RAPGEF4: variants seen among roughly 807,000 people sequenced by gnomAD.
RAPGEF4 encodes Rap guanine nucleotide exchange factor 4.
RAPGEF4 carries 66 observed loss-of-function variants against 147.9 expected under a neutral mutation model. The ratio of observed to expected loss-of-function variants is 0.45; its 90% CI spans 0.37 to 0.55. The LOEUF (loss-of-function observed/expected upper bound fraction) is 0.55. Among genes scored for constraint, RAPGEF4 ranks in the 20% least tolerant of loss-of-function variants. The pLI is 0.00. For synonymous variants in RAPGEF4, 419 were observed against 442.7 expected (o/e 0.95, Z 0.67); for missense variants, 1,071 against 1,257.3 (o/e 0.85, Z 2.24).
chr2:172,920,410 G>A (rs962799770), intron 5 of RAPGEF4, among the ~76,000 whole-genome samples: 19 of 152,220 alleles, frequency 1.2e-4, no homozygotes, highest in East Asian at 7.7e-4. Flanking sequence ...GTTCCCAACC[G>A]AATGTCTTTA....
chr2:172,988,395 C>T, intron 13 of RAPGEF4, 123 bp downstream of exon 13: 1 of 1,428,884 alleles, frequency 7.0e-7, no homozygotes, highest in Non-Finnish European at 9.2e-7. Context: ...GTAGAAAAGA[C>T]ATTATTGTAT....
chr2:172,841,977 T>A (rs1691662382), intron 4 of RAPGEF4, among the ~76,000 whole-genome samples: 1 of 152,236 alleles, frequency 6.6e-6, no homozygotes, highest in Non-Finnish European at 1.5e-5. Flanking sequence ...TTATATTTTC[T>A]TTTCTAGTAA....
intron 4 of RAPGEF4, 129 bp downstream of exon 4, chr2:172,814,554 C>A: frequency 8.3e-7 from 1 of 1,202,870 alleles, no homozygotes; most frequent in Non-Finnish European, 1.2e-6. Flanking sequence ...ATTTAATTTT[C>A]AAAACTTGTT....
chr2:173,008,926 G>T (rs1005265286), intron 17 of RAPGEF4, among the ~76,000 whole-genome samples: 4 of 152,198 alleles, frequency 2.6e-5, no homozygotes, highest in Non-Finnish European at 5.9e-5. Flanking sequence ...CCTGATGTTG[G>T]CAGGGTAGAA....
intron 4 of RAPGEF4, among the ~76,000 whole-genome samples, chr2:172,847,241 C>A (rs149610959): frequency 6.6e-6 from 1 of 152,270 alleles, no homozygotes; most frequent in East Asian, 1.9e-4. Context: ...TCACTGCTTC[C>A]TGGAACACAA....
At chr2:173,007,097 A>C (rs1553547251) in intron 17 of RAPGEF4, among the ~76,000 whole-genome samples, 2 of 152,196 alleles carry the variant, frequency 1.3e-5, no homozygotes, top group Non-Finnish European at 2.9e-5. Context: ...TTTTCACAAT[A>C]GGGAAAGTGA....
chr2:172,757,196 G>T (rs955745451), intron 1 of RAPGEF4, among the ~76,000 whole-genome samples: 25 of 152,230 alleles, frequency 1.6e-4, no homozygotes, highest in African/African-American at 5.3e-4. Flanking sequence ...CAGCATCATA[G>T]AGAAGTTAAT....
intron 16 of RAPGEF4, among the ~76,000 whole-genome samples, chr2:172,999,838 G>A (rs1693722724): frequency 6.6e-6 from 1 of 152,160 alleles, no homozygotes; most frequent in African/African-American, 2.4e-5. Flanking sequence ...CAGAGAAGGT[G>A]CCAGACAGAA....
intron 29 of RAPGEF4, 176 bp downstream of exon 29, chr2:173,036,868 T>G (rs1156993132): frequency 2.0e-6 from 1 of 504,838 alleles, no homozygotes; most frequent in South Asian, 3.6e-5. Context: ...TCAGTTCTCT[T>G]TTGTGAAATT....
At chr2:172,920,484 T>G (rs934455174) in intron 5 of RAPGEF4, among the ~76,000 whole-genome samples, 1 of 152,182 alleles carries the variant, frequency 6.6e-6, no homozygotes, top group Non-Finnish European at 1.5e-5. Context: ...TGTTATGTCT[T>G]AAACGTCTTT....
chr2:172,936,710 C>T (rs1337315876), intron 6 of RAPGEF4, among the ~76,000 whole-genome samples: 3 of 151,776 alleles, frequency 2.0e-5, no homozygotes, highest in South Asian at 2.1e-4. Flanking sequence ...GCTCTTCCTT[C>T]GTTCCTGATG....
chr2:173,005,747 T>G (rs1366445481), intron 17 of RAPGEF4, among the ~76,000 whole-genome samples: 1 of 152,156 alleles, frequency 6.6e-6, no homozygotes, highest in African/African-American at 2.4e-5. Flanking sequence ...GGCCTCGACC[T>G]CTTGACCTCG....
intron 3 of RAPGEF4, among the ~76,000 whole-genome samples, chr2:172,797,973 G>A (rs557980657): frequency 6.6e-6 from 1 of 152,248 alleles, no homozygotes; most frequent in East Asian, 1.9e-4. Context: ...TTTCCTCTTG[G>A]ATCCTTTCTC....
intron 10 of RAPGEF4, among the ~76,000 whole-genome samples, chr2:172,982,614 A>G (rs1691804805): frequency 6.6e-6 from 1 of 152,192 alleles, no homozygotes. Context: ...AGTGATTAGG[A>G]ATCTATTCAG....
chr2:173,016,574 G>A (rs1489008114), intron 19 of RAPGEF4, 137 bp downstream of exon 19: 2 of 675,786 alleles, frequency 3.0e-6, no homozygotes, highest in Non-Finnish European at 5.2e-6. Context: ...TGGGCTGAGG[G>A]CATAGGTGGT....
chr2:172,991,894 T>C (rs1038100026), intron 15 of RAPGEF4, among the ~76,000 whole-genome samples: 4 of 152,228 alleles, frequency 2.6e-5, no homozygotes, highest in African/African-American at 9.6e-5. Flanking sequence ...GGAAAAAAGA[T>C]AATATTATTA....
At chr2:172,996,901 C>T (rs1693423806) in intron 16 of RAPGEF4, among the ~76,000 whole-genome samples, 1 of 152,184 alleles carries the variant, frequency 6.6e-6, no homozygotes, top group African/African-American at 2.4e-5. Context: ...TTTGAAGCTG[C>T]CTACATAAAA....
Position 173,039,245 on chromosome 2 carries a change from C to T in RAPGEF4, c.2853+2553C>T, listed in dbSNP as rs561452734. ...GGCCGAGGCGGGTGGATCACGAGGT[C>T]AGGAGATCGAGACCATCCTGACGAA... On this transcript the variant is annotated intron_variant, in intron 29 of 30. Coordinates refer to ENST00000397081, the MANE Select transcript of RAPGEF4 (RefSeq NM_007023.4). Among the ~76,000 whole-genome samples the T allele has an allele frequency of 1.9e-4, 29 of 151,058 alleles. No homozygotes were observed. The South Asian group carries it at 2.9e-3, about 15-fold the overall frequency.
intron 8 of RAPGEF4, among the ~76,000 whole-genome samples, chr2:172,964,247 T>C (rs1156359470): frequency 1.3e-5 from 2 of 152,066 alleles, no homozygotes; most frequent in East Asian, 3.9e-4. Context: ...GGAAATATAA[T>C]GGCCTTCTCA....
Sources: allele counts gnomAD v4.1 joint callset (sites outside exome capture counted in the v4.1 genomes callset), GRCh38; gene constraint gnomAD v4.1.1; transcripts MANE v1.5; gene names NCBI Gene and HGNC (gene_info 2026-07-23, HGNC 2026-07-21).